SPON1: variants seen among roughly 807,000 people sequenced by gnomAD.
The protein encoded by SPON1 is spondin 1.
SPON1 carries 52 observed loss-of-function variants against 111.7 expected under a neutral mutation model. The ratio of observed to expected loss-of-function variants is 0.47; its 90% CI spans 0.37 to 0.59. The LOEUF (loss-of-function observed/expected upper bound fraction) is 0.59. Among genes scored for constraint, SPON1 ranks in the 20% least tolerant of loss-of-function variants. The probability of loss-of-function intolerance (pLI) is 0.00; values close to 1 mark genes in which losing one functional copy is unlikely to be tolerated. For missense variants in SPON1, 957 were observed against 1,068.5 expected (o/e 0.90, Z 1.46); for synonymous variants, 410 against 395.8 (o/e 1.04, Z -0.43).
At chr11:14,081,332 C>T (rs556628889) in intron 5 of SPON1, among the ~76,000 whole-genome samples, 1 of 152,268 alleles carries the variant, frequency 6.6e-6, no homozygotes, top group Non-Finnish European at 1.5e-5. Flanking sequence ...GAGAGACAGA[C>T]ACTAACCAAA....
At chr11:14,183,290 G>A (rs1000537291) in intron 6 of SPON1, among the ~76,000 whole-genome samples, 3 of 152,150 alleles carry the variant, frequency 2.0e-5, no homozygotes, top group Admixed American at 6.5e-5. Flanking sequence ...TAATTAGATT[G>A]TCTCAGTGTT....
intron 6 of SPON1, among the ~76,000 whole-genome samples, chr11:14,162,935 G>T (rs1847984608): frequency 1.3e-5 from 2 of 152,220 alleles, no homozygotes; most frequent in Admixed American, 6.5e-5. Context: ...GAGGTTAAGT[G>T]TTGGCTAGTC....
intron 6 of SPON1, among the ~76,000 whole-genome samples, chr11:14,150,681 A>T (rs1847776582): frequency 6.6e-6 from 1 of 152,146 alleles, no homozygotes; most frequent in South Asian, 2.1e-4. Context: ...TAGAATAGAA[A>T]ATGTCTCATT....
intron 6 of SPON1, among the ~76,000 whole-genome samples, chr11:14,141,614 A>G (rs1177478995): frequency 1.3e-5 from 2 of 152,214 alleles, no homozygotes; most frequent in Non-Finnish European, 2.9e-5. Flanking sequence ...CGCCTGTGGC[A>G]TGAGAAGCAA....
intron 2 of SPON1, among the ~76,000 whole-genome samples, chr11:14,017,387 A>G (rs907887408): frequency 7.2e-5 from 11 of 152,220 alleles, no homozygotes; most frequent in Admixed American, 6.5e-4. Context: ...CTATGCTTTA[A>G]AGAATTTTAA....
intron 5 of SPON1, among the ~76,000 whole-genome samples, chr11:14,112,566 G>A (rs186085475): frequency 5.3e-5 from 8 of 152,304 alleles, no homozygotes; most frequent in East Asian, 1.9e-4. Context: ...TATGTAAAGC[G>A]CTCAGAAGAG....
At chr11:14,030,528 G>T (rs1848550370) in intron 2 of SPON1, among the ~76,000 whole-genome samples, 1 of 152,098 alleles carries the variant, frequency 6.6e-6, no homozygotes, top group Non-Finnish European at 1.5e-5. Flanking sequence ...GTACACTCCC[G>T]GGAAGAGAAA....
At chr11:14,063,454 C>T (rs1184339059) in intron 3 of SPON1, among the ~76,000 whole-genome samples, 1 of 152,134 alleles carries the variant, frequency 6.6e-6, no homozygotes, top group African/African-American at 2.4e-5. Flanking sequence ...TTCCTTTCTT[C>T]CTTCCTTTCT....
At chr11:14,160,871 T>TATA (rs1847930541) in intron 6 of SPON1, among the ~76,000 whole-genome samples, 1 of 28,996 alleles carries the variant, frequency 3.4e-5, no homozygotes, top group African/African-American at 1.4e-4. Context: ...TTATATATTT[T>TATA]TATATTTTTA....
At chr11:13,980,408 C>T (rs17463112) in intron 1 of SPON1, among the ~76,000 whole-genome samples, 3,990 of 152,228 alleles carry the variant, frequency 0.026, 61 homozygotes, top group Non-Finnish European at 0.043. Flanking sequence ...GTGGGATAAC[C>T]GGCCAATCAC....
intron 2 of SPON1, among the ~76,000 whole-genome samples, chr11:13,995,940 G>A (rs1790852918): frequency 1.3e-5 from 2 of 152,142 alleles, no homozygotes; most frequent in Non-Finnish European, 2.9e-5. Flanking sequence ...GCAGAAAGTG[G>A]GTAGTGAGTG....
At chr11:14,114,749 G>A (rs1232856136) in intron 5 of SPON1, among the ~76,000 whole-genome samples, 10 of 152,028 alleles carry the variant, frequency 6.6e-5, no homozygotes, top group African/African-American at 1.7e-4. Context: ...ATCCTATCAC[G>A]GCACTTTCCA....
intron 7 of SPON1, among the ~76,000 whole-genome samples, chr11:14,253,457 A>C (rs1176944586): frequency 2.6e-5 from 4 of 152,230 alleles, no homozygotes; most frequent in Admixed American, 2.6e-4. Context: ...TAATCTGCCC[A>C]AGGACACACA....
chr11:13,972,248 T>C (rs1043944334), intron 1 of SPON1, among the ~76,000 whole-genome samples: 4 of 152,344 alleles, frequency 2.6e-5, no homozygotes, highest in Admixed American at 2.6e-4. Context: ...TTTGCTATTT[T>C]GGCAGCTGTG....
At chr11:14,203,146 A>G (rs1429056401) in intron 6 of SPON1, among the ~76,000 whole-genome samples, 1 of 152,218 alleles carries the variant, frequency 6.6e-6, no homozygotes, top group Non-Finnish European at 1.5e-5. Context: ...TCAAAAGCCA[A>G]TAGTTACATT....
At chr11:13,979,569 C>A (rs1554909366) in intron 1 of SPON1, among the ~76,000 whole-genome samples, 1 of 152,082 alleles carries the variant, frequency 6.6e-6, no homozygotes, top group Non-Finnish European at 1.5e-5. Context: ...CAGGCATGGT[C>A]CCTTCAGGTA....
rs1554940990 is a variant in SPON1 at position 14,254,702 on chromosome 11, T to A, written c.1065T>A (p.Ala355=). The A allele has an allele frequency of 1.9e-6, 3 of 1,613,982 alleles. No homozygotes were observed. In the South Asian group the frequency reaches 3.3e-5, roughly 18 times the overall value. The change falls in exon 8 of 16, where the codon GCT becomes GCA. Residue 355 remains alanine (A), a synonymous_variant. Coordinates refer to ENST00000576479, the MANE Select transcript of SPON1 (RefSeq NM_006108.4). ...TGCAAGACCTGATTCCCTGGGACGC[T>A]GGCACCGACAGCGGGGTGACCTATG... ...KVVQDLIPWD[A]GTDSGVTYES...
At chr11:13,977,088 A>G (rs1848108983) in intron 1 of SPON1, among the ~76,000 whole-genome samples, 1 of 152,230 alleles carries the variant, frequency 6.6e-6, no homozygotes, top group Admixed American at 6.5e-5. Flanking sequence ...CACAATTTAT[A>G]TACCTATTCT....
intron 6 of SPON1, among the ~76,000 whole-genome samples, chr11:14,227,712 G>A (rs1848755444): frequency 6.6e-6 from 1 of 152,278 alleles, no homozygotes; most frequent in South Asian, 2.1e-4. Flanking sequence ...GGCCTGTAAG[G>A]TAGATTATTA....
Sources: gnomAD v4.1 joint callset for allele counts (sites outside exome capture counted in the v4.1 genomes callset) on GRCh38, gnomAD v4.1.1 for gene constraint, MANE v1.5 for transcripts, NCBI Gene and HGNC (gene_info 2026-07-23, HGNC 2026-07-21) for gene names.